Variants in TP63 observed in about 807,000 individuals in gnomAD.
TP63 encodes tumor protein 63.
In TP63, 17 loss-of-function variants were observed where a neutral mutation model predicts 82.8. The observed-to-expected ratio is 0.21, with a 90% CI of 0.14 to 0.31. The LOEUF (loss-of-function observed/expected upper bound fraction) is 0.31. Among genes scored for constraint, TP63 ranks in the 10% least tolerant of loss-of-function variants. The pLI is 1.00. For synonymous variants in TP63, 330 were observed against 321.7 expected (o/e 1.03, Z -0.28); for missense variants, 648 against 895.3 (o/e 0.72, Z 3.52).
chr3:189,619,088 A>G, the TP63 span, among the ~76,000 whole-genome samples: 1 of 152,148 alleles, frequency 6.6e-6, no homozygotes, highest in African/African-American at 2.4e-5. Context: ...AGGGATGTCC[A>G]TGGCTTCTGC....
intron 4 of TP63, among the ~76,000 whole-genome samples, chr3:189,819,324 A>G (rs1728534710): frequency 6.6e-6 from 1 of 152,032 alleles, no homozygotes; most frequent in Admixed American, 6.6e-5. Context: ...TTTAAGTTCT[A>G]GGGTACATGT....
chr3:189,680,189 T>G (rs1453432613), intron 1 of TP63, among the ~76,000 whole-genome samples: 4 of 152,118 alleles, frequency 2.6e-5, no homozygotes, highest in Non-Finnish European at 5.9e-5. Context: ...CTTTTGGGTG[T>G]TTGGATATTT....
intron 3 of TP63, among the ~76,000 whole-genome samples, chr3:189,775,355 T>G (rs942263295): frequency 1.3e-5 from 2 of 152,118 alleles, no homozygotes; most frequent in South Asian, 4.1e-4. Context: ...CTGCCTCAAG[T>G]CAGTCTTATT....
At chr3:189,747,313 C>G (rs1420174976) in intron 3 of TP63, among the ~76,000 whole-genome samples, 1 of 152,002 alleles carries the variant, frequency 6.6e-6, no homozygotes, top group Non-Finnish European at 1.5e-5. Flanking sequence ...CTTATCAGCA[C>G]AAGGAACATT....
At chr3:189,695,910 G>A (rs1289042349) in intron 1 of TP63, among the ~76,000 whole-genome samples, 1 of 152,014 alleles carries the variant, frequency 6.6e-6, no homozygotes, top group Non-Finnish European at 1.5e-5. Context: ...TTATAGATTC[G>A]CTAACTTCAG....
chr3:189,874,813 C>G (rs1331440657), intron 10 of TP63, among the ~76,000 whole-genome samples: 2 of 152,040 alleles, frequency 1.3e-5, no homozygotes, highest in South Asian at 2.1e-4. Context: ...ATTTATAGAC[C>G]CAGGAGGGAT....
chr3:189,799,569 C>T (rs1323505824), intron 3 of TP63, among the ~76,000 whole-genome samples: 2 of 152,086 alleles, frequency 1.3e-5, no homozygotes, highest in African/African-American at 4.8e-5. Context: ...AGTAGAAGCT[C>T]ATTAATAAAC....
At chr3:189,829,859 C>G (rs1285158031) in intron 4 of TP63, 2 of 356,504 alleles carry the variant, frequency 5.6e-6, no homozygotes, top group African/African-American at 4.6e-5. Context: ...ATTACCAGAC[C>G]AATATAACCT....
chr3:189,880,252 T>TGTGC, intron 10 of TP63: 1 of 1,508,290 alleles, frequency 6.6e-7, no homozygotes, highest in Middle Eastern at 1.8e-4. Context: ...TGTGTATGTG[T>TGTGC]GTGCGTGTGT....
intron 3 of TP63, among the ~76,000 whole-genome samples, chr3:189,807,571 A>G (rs762128940): frequency 3.4e-4 from 51 of 152,226 alleles, no homozygotes; most frequent in Non-Finnish European, 6.9e-4. Flanking sequence ...TACTCTAGAA[A>G]AGAATAAATT....
Position 189,894,481 on chromosome 3 carries a change from C to T in TP63, c.2022C>T (p.Arg674=), listed in dbSNP as rs1235519484. ...ATGCTCGCCGCAATAAGCAACAGCG[C>T]ATCAAAGAGGAGGGGGAGTGAGCCT... ...DMDARRNKQQ[R]IKEEGE is the part of the protein sequence containing the mutation. The change falls in exon 14 of 14, where the codon CGC becomes CGT. Residue 674 remains arginine (R), a synonymous_variant. Transcript: ENST00000264731. 2 of 1,613,774 alleles carry T rather than the reference C, an allele frequency of 1.2e-6. No homozygotes were observed. Among genetic ancestry groups the T allele is most frequent in the Admixed American group, 1.7e-5 (1 of 60,014 alleles).
At chr3:189,619,018 T>C in the TP63 span, among the ~76,000 whole-genome samples, 1 of 152,304 alleles carries the variant, frequency 6.6e-6, no homozygotes, top group African/African-American at 2.4e-5. Flanking sequence ...CAATAAACTG[T>C]TTCCTATGTG....
At chr3:189,603,649 T>C in the TP63 span, among the ~76,000 whole-genome samples, 3 of 50,674 alleles carry the variant, frequency 5.9e-5, no homozygotes, top group African/African-American at 2.4e-4. Context: ...TTTGCCTTCA[T>C]TAAAAAAAAA....
intron 1 of TP63, among the ~76,000 whole-genome samples, chr3:189,710,171 A>C (rs531445147): frequency 6.6e-6 from 1 of 152,278 alleles, no homozygotes; most frequent in Non-Finnish European, 1.5e-5. Flanking sequence ...GGAAAAGAGA[A>C]AACATACCTT....
At chr3:189,705,992 A>G (rs1718167545) in intron 1 of TP63, among the ~76,000 whole-genome samples, 1 of 152,218 alleles carries the variant, frequency 6.6e-6, no homozygotes. Context: ...AAATTTATTA[A>G]TTCTGTAGTG....
rs542486737 is a variant in TP63 at position 189,862,361 on chromosome 3, G to A, written c.580-1871G>A. On this transcript the variant is annotated intron_variant, in intron 4 of 13. Transcript: ENST00000264731. ...AAATTAGATTCCCACCCCCATCCCC[G>A]AGAATGAACAAGAATTAGCACTTGA... Among the ~76,000 whole-genome samples the A allele has an allele frequency of 1.8e-4, 27 of 151,602 alleles. 1 individual carries two copies. In the South Asian group the frequency reaches 4.9e-3, roughly 27 times the overall value.
intron 4 of TP63, among the ~76,000 whole-genome samples, chr3:189,854,397 AT>A (rs201645637): frequency 6.6e-6 from 1 of 151,898 alleles, no homozygotes; most frequent in African/African-American, 2.4e-5. Flanking sequence ...CGCCCAGCTA[AT>A]TTTTTTGTAT....
chr3:189,738,657 T>G lies in TP63; in HGVS notation c.207T>G (p.Val69=), dbSNP rs560825960. ...WDFLEQPICS[V]QPIDLNFVDE... ...TATGTGTTAGGCCTATATGTTCAGT[T>G]CAGCCCATTGACTTGAACTTTGTGG... is the stretch of plus-strand genomic sequence containing the variant. The change falls in exon 3 of 14, where the codon GTT becomes GTG. Residue 69 remains valine (V), a synonymous_variant. Coordinates refer to ENST00000264731, the MANE Select transcript of TP63 (RefSeq NM_003722.5). 2 of 1,614,146 alleles carry G rather than the reference T, an allele frequency of 1.2e-6. No homozygotes were observed. The highest frequency in any genetic ancestry group is 4.5e-5 in the East Asian group (2 of 44,880).
intron 4 of TP63, among the ~76,000 whole-genome samples, chr3:189,817,708 A>G (rs1257307718): frequency 1.3e-5 from 2 of 152,084 alleles, no homozygotes; most frequent in African/African-American, 2.4e-5. Context: ...GTCCCTAGAC[A>G]TTCATATGGG....
Sources: allele counts gnomAD v4.1 joint callset (sites outside exome capture counted in the v4.1 genomes callset), GRCh38; gene constraint gnomAD v4.1.1; transcripts MANE v1.5; gene names NCBI Gene and HGNC (gene_info 2026-07-23, HGNC 2026-07-21).